NLN: variants seen among roughly 807,000 people sequenced by gnomAD.
The protein encoded by NLN is neurolysin, also known as neurolysin, mitochondrial.
A neutral mutation model predicts 79.9 loss-of-function variants in NLN; 64 were observed. That is an observed-to-expected ratio of 0.80 (90% CI 0.65 to 0.99). The LOEUF (loss-of-function observed/expected upper bound fraction) is 0.99. NLN is among the 50% of genes least tolerant of loss of function. The probability of loss-of-function intolerance (pLI) is 0.00; values close to 1 mark genes in which losing one functional copy is unlikely to be tolerated. For missense variants in NLN, 835 were observed against 858.7 expected (o/e 0.97, Z 0.34); for synonymous variants, 267 against 296.6 (o/e 0.90, Z 1.02).
chr5:65,802,939 A>G (rs1760321530), intron 9 of NLN, among the ~76,000 whole-genome samples: 1 of 151,494 alleles, frequency 6.6e-6, no homozygotes, highest in African/African-American at 2.4e-5. Context: ...AGACCCTGGG[A>G]TATGTAGCTC....
intron 9 of NLN, among the ~76,000 whole-genome samples, chr5:65,797,489 A>C (rs931237843): frequency 6.6e-6 from 1 of 152,228 alleles, no homozygotes; most frequent in African/African-American, 2.4e-5. Context: ...TGGTGTTATG[A>C]CAAGAGCACT....
At chr5:65,782,498 T>A (rs1191380216) in intron 6 of NLN, among the ~76,000 whole-genome samples, 1 of 152,230 alleles carries the variant, frequency 6.6e-6, no homozygotes, top group South Asian at 2.1e-4. Context: ...TACTGTCTTC[T>A]GAATTTATCC....
intron 3 of NLN, among the ~76,000 whole-genome samples, chr5:65,766,004 A>G (rs252641): frequency 0.56 from 85,457 of 152,034 alleles, 24,352 homozygotes; most frequent in South Asian, 0.6. Context: ...GATGCATAAC[A>G]TATTACCCCA....
Position 65,827,931 on chromosome 5 carries a change from C to T in NLN, c.*5016C>T, listed in dbSNP as rs1205034407. The T allele has an allele frequency of 6.6e-6, 1 of 152,228 alleles. No homozygotes were observed. Among genetic ancestry groups the T allele is most frequent in the Non-Finnish European group, 1.5e-5 (1 of 68,058 alleles). 9.4% of individuals were successfully genotyped at this position (152,228 alleles called of 1,614,324 possible). A position where few individuals can be genotyped will look rare whatever the true frequency, so the allele number is the denominator to read the frequency against. On this transcript the variant is annotated 3_prime_UTR_variant, in exon 13 of 13. Transcript: ENST00000380985. ...ACTCAGGAGGCTGAGGCAGAAGAAT[C>T]ATTTGAACCCCGGAGGTGGAGGTTG... is the stretch of plus-strand genomic sequence containing the variant.
At chr5:65,740,820 T>C (rs556741327) in intron 1 of NLN, 2 of 147,194 alleles carry the variant, frequency 1.4e-5, no homozygotes, top group Admixed American at 1.4e-4. Flanking sequence ...TTGTTATATA[T>C]ATATATTTTA....
rs1487159808 is a variant in NLN at position 65,824,602 on chromosome 5, T to G, written c.*1687T>G. On this transcript the variant is annotated 3_prime_UTR_variant, in exon 13 of 13. Coordinates refer to ENST00000380985, the MANE Select transcript of NLN (RefSeq NM_020726.5). ...CCAGTGTGTCTCCTTAACAGTAACT[T>G]TACCACTTGAAATCTTATTTCATAG... 6.6e-6 allele frequency: 1 copy of G among 152,238 alleles called. No homozygotes were observed. The highest frequency in any genetic ancestry group is 1.9e-4 in the East Asian group (1 of 5,190). The allele number at this position is 152,238 out of a possible 1,614,324, so 9.4% of individuals were successfully genotyped here. A position where few individuals can be genotyped will look rare whatever the true frequency, so the allele number is the denominator to read the frequency against.
At chr5:65,770,977 T>C (rs1305031333) in intron 3 of NLN, among the ~76,000 whole-genome samples, 4 of 152,126 alleles carry the variant, frequency 2.6e-5, no homozygotes, top group African/African-American at 9.7e-5. Flanking sequence ...TGTCACAAAA[T>C]TCAAGAGAGT....
intron 8 of NLN, among the ~76,000 whole-genome samples, chr5:65,788,752 G>C (rs1759992829): frequency 6.6e-6 from 1 of 152,116 alleles, no homozygotes; most frequent in African/African-American, 2.4e-5. Flanking sequence ...CAGGTGGATT[G>C]CTTGAGTCTA....
At chr5:65,761,950 C>A (rs1008060964) in intron 2 of NLN, among the ~76,000 whole-genome samples, 1 of 152,076 alleles carries the variant, frequency 6.6e-6, no homozygotes, top group African/African-American at 2.4e-5. Flanking sequence ...TGAAGTTAAT[C>A]AAATAAAAAT....
chr5:65,744,524 T>C (rs1014243727), intron 1 of NLN, among the ~76,000 whole-genome samples: 2 of 151,176 alleles, frequency 1.3e-5, no homozygotes, highest in Admixed American at 6.6e-5. Flanking sequence ...TTCCAGATGA[T>C]AGATGATAGT....
At chr5:65,751,408 C>T (rs1431742881) in intron 1 of NLN, among the ~76,000 whole-genome samples, 1 of 152,152 alleles carries the variant, frequency 6.6e-6, no homozygotes, top group African/African-American at 2.4e-5. Flanking sequence ...CATCTTGTTT[C>T]AAGTATATAA....
intron 6 of NLN, among the ~76,000 whole-genome samples, chr5:65,782,416 C>T (rs1393774789): frequency 3.3e-5 from 5 of 152,232 alleles, no homozygotes; most frequent in African/African-American, 9.6e-5. Flanking sequence ...TGCTGCTAAT[C>T]AGATGCATGT....
chr5:65,749,459 T>C (rs1299162065), intron 1 of NLN, among the ~76,000 whole-genome samples: 1 of 152,180 alleles, frequency 6.6e-6, no homozygotes, highest in Non-Finnish European at 1.5e-5. Context: ...GGAGAGGCAG[T>C]GCATTCACCA....
Position 65,743,188 on chromosome 5 carries a change from A to G in NLN, c.42-15379A>G, listed in dbSNP as rs142665762. ...ATAGCTATGGCTAGCATTGGGTAGT[A>G]ATAAAGCTCAGTATTCACGTGGATT... is the stretch of plus-strand genomic sequence containing the variant. On this transcript the variant is annotated intron_variant, in intron 1 of 12. Transcript: ENST00000380985. Among the ~76,000 whole-genome samples, 403 of 152,330 alleles carry G rather than the reference A, an allele frequency of 2.6e-3. 2 individuals carry two copies. The highest frequency in any genetic ancestry group is 9.2e-3 in the African/African-American group (382 of 41,588).
intron 11 of NLN, among the ~76,000 whole-genome samples, chr5:65,811,101 G>A (rs561625738): frequency 2.0e-5 from 3 of 152,002 alleles, no homozygotes; most frequent in African/African-American, 7.2e-5. Flanking sequence ...ATGCATGGGC[G>A]TGTTTATATT....
At chr5:65,761,236 G>A (rs1759330930) in intron 2 of NLN, among the ~76,000 whole-genome samples, 2 of 152,094 alleles carry the variant, frequency 1.3e-5, no homozygotes, top group Non-Finnish European at 2.9e-5. Context: ...ATAAGTTTAT[G>A]AGCAATTTTT....
chr5:65,723,827 A>C (rs1398737716), intron 1 of NLN, among the ~76,000 whole-genome samples: 2 of 146,196 alleles, frequency 1.4e-5, no homozygotes, highest in Non-Finnish European at 3.0e-5. Flanking sequence ...AAAAAAAAAA[A>C]AAAAAAAAAG....
At chr5:65,733,146 G>C in intron 1 of NLN, 2 of 1,461,152 alleles carry the variant, frequency 1.4e-6, no homozygotes, top group Non-Finnish European at 1.9e-6. Context: ...TGCTTACCTA[G>C]CTGATCGGGA....
At chr5:65,772,235 G>A (rs1264893008) in intron 3 of NLN, among the ~76,000 whole-genome samples, 1 of 152,116 alleles carries the variant, frequency 6.6e-6, no homozygotes, top group Non-Finnish European at 1.5e-5. Flanking sequence ...TGATATTGAT[G>A]TTATCTATTA....
Sources: allele counts gnomAD v4.1 joint callset (sites outside exome capture counted in the v4.1 genomes callset), GRCh38; gene constraint gnomAD v4.1.1; transcripts MANE v1.5; gene names NCBI Gene and HGNC (gene_info 2026-07-23, HGNC 2026-07-21).